PRDM2: variants seen among roughly 807,000 people sequenced by gnomAD.
PRDM2 encodes PR domain zinc finger protein 2.
PRDM2 carries 30 observed loss-of-function variants against 130.0 expected under a neutral mutation model. The ratio of observed to expected loss-of-function variants is 0.23; its 90% CI spans 0.17 to 0.31. The LOEUF (loss-of-function observed/expected upper bound fraction) is 0.31, where lower values mean the gene tolerates loss of function less well. Ranked by LOEUF, PRDM2 falls within the 10% of genes least tolerant of loss-of-function variation. The pLI, the probability that PRDM2 is intolerant of heterozygous loss-of-function variation, is 1.00. For missense variants in PRDM2, 2,011 were observed against 2,108.4 expected (o/e 0.95, Z 0.90); for synonymous variants, 871 against 782.4 (o/e 1.11, Z -1.89).
chr1:13,716,468 AAG>A (rs1179712256), intron 2 of PRDM2, among the ~76,000 whole-genome samples: 2 of 152,234 alleles, frequency 1.3e-5, no homozygotes, highest in Non-Finnish European at 2.9e-5. Context: ...AAATAAAAAA[AAG>A]AGAGGATTAA....
At chr1:13,757,946 C>T (rs538799654) in intron 6 of PRDM2, among the ~76,000 whole-genome samples, 104 of 152,210 alleles carry the variant, frequency 6.8e-4, no homozygotes, top group African/African-American at 2.1e-3. Context: ...TGAAAAGAGT[C>T]ACCCTAACCT....
intron 6 of PRDM2, among the ~76,000 whole-genome samples, chr1:13,755,359 A>G (rs1171344742): frequency 1.3e-5 from 2 of 152,166 alleles, no homozygotes; most frequent in South Asian, 2.1e-4. Flanking sequence ...AAATATCATA[A>G]TTGAGTGTAT....
chr1:13,806,785 C>T lies in PRDM2; in HGVS notation c.5037-9642C>T, dbSNP rs1645092245. On this transcript the variant is annotated intron_variant, in intron 8 of 9. Transcript: ENST00000311066. The surrounding 1 kb of genome is among the most constrained non-coding windows in gnomAD (Gnocchi z 4.1). ...ACTTTGGGTCATGATATTCCTCTGC[C>T]CAGAAGGACAACTGACTGACACCTC... 6.6e-6 allele frequency among the ~76,000 whole-genome samples: 1 copy of T among 152,136 alleles called. No homozygotes were observed. Among genetic ancestry groups the T allele is most frequent in the East Asian group, 1.9e-4 (1 of 5,194 alleles).
At chr1:13,809,383 G>C (rs1269521112) in intron 8 of PRDM2, among the ~76,000 whole-genome samples, 2 of 152,174 alleles carry the variant, frequency 1.3e-5, no homozygotes, top group Non-Finnish European at 2.9e-5. Flanking sequence ...AGGAAGGAAG[G>C]CGGACTCGAT....
chr1:13,749,224 G>C, intron 5 of PRDM2, 137 bp from the exon 6 acceptor site: 2 of 833,612 alleles, frequency 2.4e-6, no homozygotes, highest in Non-Finnish European at 3.0e-6. Flanking sequence ...AGCCCTTCCT[G>C]CCGGCCGGGT....
At chr1:13,727,317 C>T (rs1219687250) in intron 2 of PRDM2, among the ~76,000 whole-genome samples, 1 of 152,220 alleles carries the variant, frequency 6.6e-6, no homozygotes, top group South Asian at 2.1e-4. Flanking sequence ...TGCAGTGGCA[C>T]GATCTCGGCT....
intron 8 of PRDM2, among the ~76,000 whole-genome samples, chr1:13,785,356 A>G (rs964065077): frequency 6.6e-6 from 1 of 152,220 alleles, no homozygotes; most frequent in Middle Eastern, 3.2e-3. Flanking sequence ...CAGGCAGCAC[A>G]TCCTTGTCCT....
In PRDM2 at chr1:13,781,609, A is replaced by T; in HGVS notation, c.3814A>T (p.Thr1272Ser). The part of the protein sequence containing the change: ...LNDSSEELYT[T>S]IKIMASGIKT... ...TGATTCCTCTGAAGAGCTTTACACG[A>T]CTATAAAAATAATGGCTTCTGGAAT... Residue 1272 changes from threonine (T) to serine (S), a missense_variant, in exon 8 of 10, where the codon ACT becomes TCT. Physicochemically the swap from Thr to Ser is moderately conservative, Grantham distance 58. Transcript: ENST00000311066. This position sits in a 1 kb window ranked among gnomAD's most constrained non-coding sequence, Gnocchi z 6.1. The T allele has an allele frequency of 6.2e-7, 1 of 1,613,476 alleles. No homozygotes were observed. The highest frequency in any genetic ancestry group is 8.5e-7 in the Non-Finnish European group (1 of 1,180,008).
intron 8 of PRDM2, among the ~76,000 whole-genome samples, chr1:13,809,568 C>A (rs1410763885): frequency 1.3e-5 from 2 of 152,202 alleles, no homozygotes; most frequent in East Asian, 3.9e-4. Context: ...ATTTAAGGGG[C>A]CTTCTAGATG....
intron 1 of PRDM2, among the ~76,000 whole-genome samples, chr1:13,712,018 T>A (rs1263865344): frequency 7.4e-6 from 1 of 135,542 alleles, no homozygotes; most frequent in African/African-American, 2.8e-5. Flanking sequence ...AAAAAGATGA[T>A]AGCCTGGGTA....
At chr1:13,821,758 C>CACCTG (rs1645355734) in intron 9 of PRDM2, among the ~76,000 whole-genome samples, 1 of 152,176 alleles carries the variant, frequency 6.6e-6, no homozygotes. Context: ...TGAGCCACCG[C>CACCTG]GCCCAGCCTG....
At chr1:13,727,617 G>C (rs1216746173) in intron 2 of PRDM2, among the ~76,000 whole-genome samples, 1 of 152,106 alleles carries the variant, frequency 6.6e-6, no homozygotes, top group Non-Finnish European at 1.5e-5. Flanking sequence ...TTGTGCTTGA[G>C]TTTTCTACAG....
intron 8 of PRDM2, chr1:13,787,028 C>G: frequency 2.0e-6 from 2 of 985,708 alleles, no homozygotes; most frequent in Non-Finnish European, 2.4e-6. Context: ...AGGCATTTAG[C>G]TGATCTCTTA....
intron 7 of PRDM2, among the ~76,000 whole-genome samples, chr1:13,777,759 C>T (rs767858765): frequency 2.0e-5 from 3 of 150,022 alleles, no homozygotes; most frequent in Non-Finnish European, 4.4e-5. Flanking sequence ...CCTAGGGACT[C>T]CGAAGTGACT....
rs536647322 is a variant in PRDM2 at position 13,776,214 on chromosome 1, C to T, written c.623-2204C>T. Among the ~76,000 whole-genome samples the T allele has an allele frequency of 2.5e-4, 38 of 152,106 alleles. No individual in the cohort carries two copies. The South Asian group carries it at 3.3e-3, about 13-fold the overall frequency. ...AGTGAAGCTCTCTATGGGTAAGGATCGTGACAGTCTTGTTTACCTAGTACT... is the reference window on the plus strand; with the variant it reads ...AGTGAAGCTCTCTATGGGTAAGGATTGTGACAGTCTTGTTTACCTAGTACT... On this transcript the variant is annotated intron_variant, in intron 7 of 9. Transcript: ENST00000311066.
intron 8 of PRDM2, among the ~76,000 whole-genome samples, chr1:13,813,395 C>A (rs1303018150): frequency 6.6e-6 from 1 of 152,190 alleles, no homozygotes; most frequent in African/African-American, 2.4e-5. Context: ...CAGTGAAGCA[C>A]TTCTTGATCA....
chr1:13,726,378 C>G (rs1642916390), intron 2 of PRDM2, among the ~76,000 whole-genome samples: 1 of 152,174 alleles, frequency 6.6e-6, no homozygotes, highest in Non-Finnish European at 1.5e-5. Context: ...CCAGCAAGGT[C>G]AAAACTCGTG....
intron 5 of PRDM2, among the ~76,000 whole-genome samples, chr1:13,743,911 T>A (rs1643527569): frequency 6.6e-6 from 1 of 152,236 alleles, no homozygotes; most frequent in Non-Finnish European, 1.5e-5. Flanking sequence ...TAGTAGGTAT[T>A]ACTCTACAAT....
chr1:13,775,801 G>GC (rs1170492966), intron 7 of PRDM2, among the ~76,000 whole-genome samples: 19 of 152,172 alleles, frequency 1.2e-4, no homozygotes, highest in African/African-American at 3.9e-4. Context: ...ACAGCAGCCA[G>GC]CATCTCCATT....
Sources: gnomAD v4.1 joint callset for allele counts (sites outside exome capture counted in the v4.1 genomes callset) on GRCh38, gnomAD v4.1.1 for gene constraint, Gnocchi (gnomAD v3.1) non-coding constraint, MANE v1.5 for transcripts, NCBI Gene and HGNC (gene_info 2026-07-23, HGNC 2026-07-21) for gene names.